Variants in MCPH1 observed in about 807,000 individuals in gnomAD.
MCPH1 encodes microcephalin.
MCPH1 carries 104 observed loss-of-function variants against 84.5 expected under a neutral mutation model. The ratio of observed to expected loss-of-function variants is 1.23; its 90% CI spans 1.05 to 1.45. MCPH1 has a LOEUF of 1.45. Ranked by LOEUF, MCPH1 falls within the 40% of genes most tolerant of loss-of-function variation. The pLI, the probability that MCPH1 is intolerant of heterozygous loss-of-function variation, is 0.00. For synonymous variants in MCPH1, 514 were observed against 366.8 expected (o/e 1.40, Z -4.58); for missense variants, 1,498 against 1,005.7 (o/e 1.49, Z -6.62).
chr8:6,541,949 A>G lies in MCPH1; in HGVS notation c.2214+42020A>G, dbSNP rs559514117. Among the ~76,000 whole-genome samples, 5 of 151,588 alleles carry G rather than the reference A, an allele frequency of 3.3e-5. No individual in the cohort carries two copies. In the South Asian group the frequency reaches 1.0e-3, roughly 32 times the overall value. ...CTTGAGCCCAGGAGGTTGAGGCTGC[A>G]GTGAGCCGTGATCGTGCCACTGCAC... On this transcript the variant is annotated intron_variant, in intron 12 of 13. Coordinates refer to ENST00000344683, the MANE Select transcript of MCPH1 (RefSeq NM_024596.5).
At chr8:6,447,399 G>C (rs888312265) in intron 8 of MCPH1, 9 of 985,314 alleles carry the variant, frequency 9.1e-6, no homozygotes, top group Non-Finnish European at 1.1e-5. Flanking sequence ...AGGGCTTTTT[G>C]CCATTTCTGT....
intron 4 of MCPH1, among the ~76,000 whole-genome samples, chr8:6,432,307 C>G (rs1161555192): frequency 1.3e-5 from 2 of 152,192 alleles, no homozygotes; most frequent in Non-Finnish European, 2.9e-5. Flanking sequence ...ATTTAAAATA[C>G]CTAATACAAT....
intron 11 of MCPH1, 137 bp downstream of exon 11, chr8:6,481,013 C>T: frequency 2.8e-6 from 3 of 1,070,754 alleles, no homozygotes; most frequent in East Asian, 2.5e-5. Context: ...CTGGGAACAC[C>T]CGTCTTTCCT....
At chr8:6,622,630 G>T (rs1212967700) in intron 13 of MCPH1, among the ~76,000 whole-genome samples, 1 of 152,204 alleles carries the variant, frequency 6.6e-6, no homozygotes, top group African/African-American at 2.4e-5. Context: ...AGTTCTGGAG[G>T]CTGGAAGTCT....
At chr8:6,603,401 T>A (rs868162733) in intron 12 of MCPH1, among the ~76,000 whole-genome samples, 3 of 152,186 alleles carry the variant, frequency 2.0e-5, no homozygotes, top group African/African-American at 7.2e-5. Flanking sequence ...CTTCAATGTG[T>A]CAAAATCATC....
chr8:6,513,855 A>G, intron 12 of MCPH1: 10 of 1,594,608 alleles, frequency 6.3e-6, no homozygotes, highest in Non-Finnish European at 7.7e-6. Flanking sequence ...CTGTAATGCA[A>G]GTTGTTAAAT....
In MCPH1 at chr8:6,643,082, C is replaced by A; in HGVS notation, c.*33C>A. On this transcript the variant is annotated 3_prime_UTR_variant, in exon 14 of 14. Coordinates refer to ENST00000344683, the MANE Select transcript of MCPH1 (RefSeq NM_024596.5). Reference sequence around the variant, plus strand: ...CTCACTGGCCTGTGGTGACTGCACACAGCTCGCAAAACTGTCTTTGGATGT... The same window carrying A: ...CTCACTGGCCTGTGGTGACTGCACAAAGCTCGCAAAACTGTCTTTGGATGT... 6.3e-7 allele frequency: 1 copy of A among 1,586,128 alleles called. No homozygotes were observed. The highest frequency in any genetic ancestry group is 8.7e-7 in the Non-Finnish European group (1 of 1,154,856).
At chr8:6,485,682 G>C (rs1012269786) in intron 11 of MCPH1, among the ~76,000 whole-genome samples, 2 of 152,022 alleles carry the variant, frequency 1.3e-5, no homozygotes, top group African/African-American at 4.8e-5. Flanking sequence ...TTTGTTAATA[G>C]TATCAACTCT....
chr8:6,414,713 A>G, intron 2 of MCPH1, 52 bp from the exon 3 acceptor site: 2 of 1,598,818 alleles, frequency 1.3e-6, no homozygotes, highest in Non-Finnish European at 1.7e-6. Flanking sequence ...AGTTGTAGTT[A>G]AGTTGTGAAT....
intron 13 of MCPH1, chr8:6,625,891 A>G (rs1395380510): frequency 2.0e-6 from 2 of 985,164 alleles, no homozygotes; most frequent in Admixed American, 1.2e-4. Context: ...GAGAACCAGG[A>G]GTTTTTTAGC....
intron 12 of MCPH1, among the ~76,000 whole-genome samples, chr8:6,504,317 C>CAAAA (rs35379672): frequency 1.8e-3 from 152 of 85,788 alleles, no homozygotes; most frequent in African/African-American, 5.2e-3. Context: ...GACTCCAGCT[C>CAAAA]AAAAAAAAAA....
chr8:6,444,866 A>G lies in MCPH1; in HGVS notation c.1144A>G (p.Met382Val). ...KRKRSTRRSI[M>V]PRLQLCRSED... is the part of the protein sequence containing the mutation. ...AAAGAGGAGCACCAGGAGATCTATC[A>G]TGCCGAGGCTGCAGCTGTGCAGGTC... The change falls in exon 8 of 14, where the codon ATG becomes GTG. Residue 382 changes from methionine (M) to valine (V), a missense_variant. By Grantham distance (21) the Met-to-Val change is conservative. Coordinates refer to ENST00000344683, the MANE Select transcript of MCPH1 (RefSeq NM_024596.5). The G allele has an allele frequency of 6.2e-7, 1 of 1,614,230 alleles. No homozygotes were observed. Among genetic ancestry groups the G allele is most frequent in the African/African-American group, 1.3e-5 (1 of 75,068 alleles).
chr8:6,645,034 T>C lies in MCPH1; in HGVS notation c.*1985T>C, dbSNP rs1229360679. On this transcript the variant is annotated 3_prime_UTR_variant, in exon 14 of 14. Coordinates refer to ENST00000344683, the MANE Select transcript of MCPH1 (RefSeq NM_024596.5). ...TCGCTTCACATTACATATGTTTCTC[T>C]ATAACCACAAGCATCCTGGCTTGGT... 1.3e-5 allele frequency: 2 copies of C among 152,260 alleles called. No individual in the cohort carries two copies. The highest frequency in any genetic ancestry group is 2.9e-5 in the Non-Finnish European group (2 of 68,052). 9.4% of individuals were successfully genotyped at this position (152,260 alleles called of 1,614,324 possible). A position where few individuals can be genotyped will look rare whatever the true frequency, so the allele number is the denominator to read the frequency against.
chr8:6,485,708 G>A (rs1347875106), intron 11 of MCPH1, among the ~76,000 whole-genome samples: 2 of 152,104 alleles, frequency 1.3e-5, no homozygotes, highest in African/African-American at 4.8e-5. Flanking sequence ...GATTGCGAAG[G>A]CTCAGGTGGC....
chr8:6,421,580 A>C (rs1405116821), intron 3 of MCPH1, among the ~76,000 whole-genome samples: 1 of 152,038 alleles, frequency 6.6e-6, no homozygotes, highest in Non-Finnish European at 1.5e-5. Context: ...ATTTCATGAT[A>C]TTTACATTAT....
At chr8:6,546,393 G>T (rs892913156) in intron 12 of MCPH1, among the ~76,000 whole-genome samples, 2 of 152,334 alleles carry the variant, frequency 1.3e-5, no homozygotes, top group Admixed American at 1.3e-4. Context: ...TGAAAAGCAA[G>T]TGCTACAGGA....
At chr8:6,484,071 T>G (rs1229171601) in intron 11 of MCPH1, among the ~76,000 whole-genome samples, 3 of 152,168 alleles carry the variant, frequency 2.0e-5, no homozygotes. Context: ...AAAACATAGA[T>G]AAGTTAGATT....
chr8:6,593,403 G>T (rs1828672677), intron 12 of MCPH1, among the ~76,000 whole-genome samples: 5 of 151,292 alleles, frequency 3.3e-5, no homozygotes, highest in Admixed American at 1.3e-4. Context: ...GATTAAGGCT[G>T]CAGTGCAATG....
At chr8:6,451,829 A>G (rs561197301) in intron 8 of MCPH1, among the ~76,000 whole-genome samples, 2 of 152,296 alleles carry the variant, frequency 1.3e-5, no homozygotes, top group East Asian at 1.9e-4. Flanking sequence ...TTAAGTGTAT[A>G]TTTTTACATG....
Sources: gnomAD v4.1 joint callset for allele counts (sites outside exome capture counted in the v4.1 genomes callset) on GRCh38, gnomAD v4.1.1 for gene constraint, MANE v1.5 for transcripts, NCBI Gene and HGNC (gene_info 2026-07-23, HGNC 2026-07-21) for gene names.